The following TNRC6B variants were observed in gnomAD, a reference collection of about 807,000 sequenced individuals.
TNRC6B encodes trinucleotide repeat-containing gene 6B protein.
TNRC6B carries 52 observed loss-of-function variants against 203.6 expected under a neutral mutation model. The observed-to-expected ratio is 0.26, with a 90% CI of 0.20 to 0.32. The LOEUF (loss-of-function observed/expected upper bound fraction) is 0.32, where lower values mean the gene tolerates loss of function less well. TNRC6B is among the 10% of genes least tolerant of loss of function. The pLI, the probability that TNRC6B is intolerant of heterozygous loss-of-function variation, is 1.00. For synonymous variants in TNRC6B, 838 were observed against 845.7 expected, an observed-to-expected ratio of 0.99 and a Z score of 0.16; for missense variants, 1,923 against 2,286.2, an observed-to-expected ratio of 0.84 and a Z score of 3.24.
intron 3 of TNRC6B, among the ~76,000 whole-genome samples, chr22:40,155,285 TTTG>T (rs764735622): frequency 2.0e-4 from 31 of 151,988 alleles, no homozygotes; most frequent in African/African-American, 3.9e-4. Flanking sequence ...ATGCAAACTT[TTTG>T]TTGTTGTTGT....
At chr22:40,129,957 A>C (rs1281101419) in intron 3 of TNRC6B, among the ~76,000 whole-genome samples, 2 of 152,214 alleles carry the variant, frequency 1.3e-5, no homozygotes. Context: ...GGTGCCATTT[A>C]ATTGGAGTAG....
intron 1 of TNRC6B, among the ~76,000 whole-genome samples, chr22:40,243,214 A>G (rs1400409015): frequency 3.3e-5 from 5 of 152,278 alleles, no homozygotes; most frequent in Admixed American, 1.3e-4. Flanking sequence ...TGCAGCCTAG[A>G]TAGAGAACAG....
intron 12 of TNRC6B, among the ~76,000 whole-genome samples, chr22:40,289,084 G>A (rs2070832975): frequency 1.3e-5 from 2 of 152,046 alleles, no homozygotes; most frequent in Admixed American, 1.3e-4. Context: ...CAAAGTGCTG[G>A]GATTACAGGC....
intron 9 of TNRC6B, among the ~76,000 whole-genome samples, chr22:40,279,296 G>A (rs529503501): frequency 1.3e-5 from 2 of 152,294 alleles, no homozygotes; most frequent in South Asian, 4.1e-4. Flanking sequence ...ATAATTCTGG[G>A]TAGTAAAGGA....
intron 2 of TNRC6B, among the ~76,000 whole-genome samples, chr22:40,249,605 A>C (rs970294947): frequency 2.0e-5 from 3 of 152,196 alleles, no homozygotes; most frequent in South Asian, 4.1e-4. Context: ...CACATGATAA[A>C]ACATATTTGA....
At chr22:40,296,821 T>G (rs1049049160) in intron 12 of TNRC6B, among the ~76,000 whole-genome samples, 3 of 151,978 alleles carry the variant, frequency 2.0e-5, no homozygotes, top group African/African-American at 2.4e-5. Context: ...AGAGAGAGGG[T>G]TTTGCCATGT....
chr22:40,079,571 G>GTATATA (rs536120086), intron 1 of TNRC6B, among the ~76,000 whole-genome samples: 5,003 of 147,652 alleles, frequency 0.034, 252 homozygotes, highest in African/African-American at 0.12. Flanking sequence ...CCAAATCTAA[G>GTATATA]TATATATATA....
chr22:40,295,235 G>A (rs1284177150), intron 12 of TNRC6B, among the ~76,000 whole-genome samples: 3 of 152,134 alleles, frequency 2.0e-5, no homozygotes, highest in Admixed American at 2.0e-4. Flanking sequence ...TAGCATTTCG[G>A]GAGTCCGAGG....
intron 1 of TNRC6B, among the ~76,000 whole-genome samples, chr22:40,221,736 G>A (rs967674402): frequency 2.1e-5 from 3 of 144,112 alleles, no homozygotes; most frequent in African/African-American, 7.7e-5. Flanking sequence ...ACCACACCTG[G>A]CCCACCTTCT....
chr22:40,213,193 G>A (rs961864256), intron 1 of TNRC6B, among the ~76,000 whole-genome samples: 2 of 152,272 alleles, frequency 1.3e-5, no homozygotes, highest in East Asian at 1.9e-4. Flanking sequence ...AAGTACTAAT[G>A]CCACTGAACT....
chr22:40,251,718 CAAA>C (rs779335957), intron 3 of TNRC6B, among the ~76,000 whole-genome samples: 1 of 112,304 alleles, frequency 8.9e-6, no homozygotes, highest in Admixed American at 9.2e-5. Flanking sequence ...GACTCCGTCT[CAAA>C]AAAAAAAAAA....
chr22:40,181,254 G>T lies in TNRC6B; in HGVS notation c.5+3114G>T, dbSNP rs545734089. 7.0e-4 allele frequency among the ~76,000 whole-genome samples: 106 copies of T among 152,308 alleles called. 2 individuals carry two copies. Among genetic ancestry groups the T allele is most frequent in the Middle Eastern group, 3.4e-3 (1 of 294 alleles). On this transcript the variant is annotated intron_variant, in intron 1 of 22. Coordinates refer to ENST00000454349, the MANE Select transcript of TNRC6B (RefSeq NM_001162501.2). ...CAGCTCTACAAGAGACACTAGAAGAGTGTTATGCGATGATGAGACCTTCAG... is the reference window on the plus strand; with the variant it reads ...CAGCTCTACAAGAGACACTAGAAGATTGTTATGCGATGATGAGACCTTCAG...
At chr22:40,118,373 T>C (rs1311276863) in intron 2 of TNRC6B, among the ~76,000 whole-genome samples, 1 of 152,326 alleles carries the variant, frequency 6.6e-6, no homozygotes, top group East Asian at 1.9e-4. Flanking sequence ...TATAACACCT[T>C]TTCCTGCACA....
intron 3 of TNRC6B, 140 bp from the exon 4 acceptor site, chr22:40,261,692 C>T (rs1303215692): frequency 2.9e-6 from 2 of 686,392 alleles, no homozygotes; most frequent in Non-Finnish European, 4.2e-6. Flanking sequence ...GGGAGAGTCC[C>T]TTGAGCCCGA....
chr22:40,150,221 A>T (rs937343532), intron 3 of TNRC6B, among the ~76,000 whole-genome samples: 38 of 152,102 alleles, frequency 2.5e-4, no homozygotes, highest in Non-Finnish European at 5.9e-5. Flanking sequence ...ACTAAAAAAT[A>T]CAAAAAATTA....
rs560863586 is a variant in TNRC6B, at chr22:40,154,259, C to A, written c.46-1856C>A. Among the ~76,000 whole-genome samples, 4 of 151,900 alleles carry A rather than the reference C, an allele frequency of 2.6e-5. No homozygotes were observed. In the South Asian group the frequency reaches 8.3e-4, roughly 32 times the overall value. On this transcript the variant is annotated intron_variant, in intron 3 of 23. Coordinates refer to the TNRC6B transcript ENST00000301923. ...CGGGTGGATCACGAGGTCAGGAGAT[C>A]GAGACCATCCTGGCCAACATGGTGA...
In TNRC6B at chr22:40,267,015, A is replaced by G. The variant is rs377513024; in HGVS notation, c.2785A>G (p.Met929Val). Residue 929 changes from methionine to valine, a missense_variant, in exon 5 of 23, where the codon ATG (methionine) becomes GTG (valine). Met to Val is a conservative substitution (Grantham distance 21). Coordinates refer to ENST00000454349, the MANE Select transcript of TNRC6B (RefSeq NM_001162501.2). ...APREPNLPTP[M>V]TSKSASVWSK... is the part of the protein sequence containing the mutation. ...TCGAGAACCAAACCTGCCCACCCCA[A>G]TGACCAGTAAATCGGCATCAGGTAA... The G allele has an allele frequency of 8.8e-5, 141 of 1,603,214 alleles. No homozygotes were observed. The highest frequency in any genetic ancestry group is 2.6e-4 in the Admixed American group (15 of 58,640).
intron 16 of TNRC6B, among the ~76,000 whole-genome samples, chr22:40,309,718 C>T (rs558831637): frequency 1.3e-5 from 2 of 152,242 alleles, no homozygotes; most frequent in South Asian, 4.1e-4. Context: ...ATCTCAAAGG[C>T]AAAATCTCTA....
At chr22:40,180,535 G>T (rs2069118148) in intron 1 of TNRC6B, among the ~76,000 whole-genome samples, 1 of 152,188 alleles carries the variant, frequency 6.6e-6, no homozygotes, top group Admixed American at 6.5e-5. Flanking sequence ...TTCACGTATG[G>T]GAAGCATTAT....
Sources: gnomAD v4.1 joint callset for allele counts (sites outside exome capture counted in the v4.1 genomes callset) on GRCh38, gnomAD v4.1.1 for gene constraint, MANE v1.5 for transcripts, NCBI Gene and HGNC (gene_info 2026-07-23, HGNC 2026-07-21) for gene names.